The following TMEM131L variants were observed in gnomAD, a reference collection of about 807,000 sequenced individuals.
The protein encoded by TMEM131L is transmembrane protein 131-like.
A neutral mutation model predicts 192.2 loss-of-function variants in TMEM131L; 54 were observed. The ratio of observed to expected loss-of-function variants is 0.28; its 90% CI spans 0.23 to 0.35. TMEM131L has a LOEUF of 0.35. Ranked by LOEUF, TMEM131L falls within the 10% of genes least tolerant of loss-of-function variation. The probability of loss-of-function intolerance (pLI) is 1.00; values close to 1 mark genes in which losing one functional copy is unlikely to be tolerated. For synonymous variants in TMEM131L, 701 were observed against 704.9 expected (o/e 0.99, Z 0.09); for missense variants, 1,888 against 1,972.9 (o/e 0.96, Z 0.82).
intron 3 of TMEM131L, among the ~76,000 whole-genome samples, chr4:153,499,885 C>T (rs905949902): frequency 7.2e-5 from 11 of 152,270 alleles, no homozygotes; most frequent in Admixed American, 2.0e-4. Flanking sequence ...AGTCTTCCAC[C>T]GTCAGATCCC....
At chr4:153,623,699 T>TGGG (rs1733616305) in intron 29 of TMEM131L, among the ~76,000 whole-genome samples, 1 of 152,234 alleles carries the variant, frequency 6.6e-6, no homozygotes, top group Admixed American at 6.5e-5. Context: ...TTCCCTTTTA[T>TGGG]TGCCGGGTAA....
In TMEM131L at chr4:153,580,991, T is replaced by G. The variant is rs557110446; in HGVS notation, c.738+88T>G. On this transcript the variant is annotated intron_variant, in intron 8 of 34. Transcript: ENST00000409959. ...ACACAAGGCTGGGCGCTGTGGCTCA[T>G]GCCTGTAATCCCAGCACTTTGGGAG... The G allele has an allele frequency of 2.6e-4, 242 of 928,202 alleles. 2 individuals are homozygous for G. The East Asian group carries it at 6.2e-3, about 24-fold the overall frequency. 57.5% of individuals were successfully genotyped at this position (928,202 alleles called of 1,614,324 possible).
At chr4:153,584,429 AATATT>A (rs1730567101) in intron 11 of TMEM131L, among the ~76,000 whole-genome samples, 1 of 152,224 alleles carries the variant, frequency 6.6e-6, no homozygotes, top group South Asian at 2.1e-4. Context: ...CAAGCGACTC[AATATT>A]ATAACCTAAT....
At chr4:153,610,995 T>A (rs1047305049) in intron 25 of TMEM131L, among the ~76,000 whole-genome samples, 2 of 152,208 alleles carry the variant, frequency 1.3e-5, no homozygotes, top group African/African-American at 4.8e-5. Context: ...CCAGTTATTG[T>A]GGGGTTGAAG....
At chr4:153,521,057 G>A (rs1176235665) in intron 3 of TMEM131L, among the ~76,000 whole-genome samples, 1 of 152,176 alleles carries the variant, frequency 6.6e-6, no homozygotes, top group Non-Finnish European at 1.5e-5. Context: ...GTGGTTGTAG[G>A]GAGTATCCAC....
chr4:153,522,057 C>A (rs1735157691), intron 3 of TMEM131L, among the ~76,000 whole-genome samples: 2 of 152,136 alleles, frequency 1.3e-5, no homozygotes, highest in South Asian at 4.1e-4. Flanking sequence ...TGAAATCTTA[C>A]ACGTGCTGCC....
chr4:153,572,987 A>G (rs1729694856), intron 7 of TMEM131L, among the ~76,000 whole-genome samples: 1 of 152,128 alleles, frequency 6.6e-6, no homozygotes, highest in African/African-American at 2.4e-5. Flanking sequence ...GGTTTATTTC[A>G]TTTTGCATAA....
intron 3 of TMEM131L, among the ~76,000 whole-genome samples, chr4:153,478,091 T>C (rs891506477): frequency 6.6e-6 from 1 of 152,110 alleles, no homozygotes; most frequent in African/African-American, 2.4e-5. Context: ...TTTGCTATTT[T>C]ATCTCTACTT....
chr4:153,533,286 CCTT>C (rs762568382), intron 3 of TMEM131L, among the ~76,000 whole-genome samples: 2 of 152,072 alleles, frequency 1.3e-5, no homozygotes, highest in East Asian at 1.9e-4. Context: ...CACCCAGCCT[CCTT>C]CTTAATTCTT....
At position 153,621,846 on chromosome 4, in the gene TMEM131L, G is replaced by A. The variant is rs1229449632; in HGVS notation, c.3856G>A (p.Ala1286Thr). 6.2e-7 allele frequency: 1 copy of A among 1,613,900 alleles called. No individual in the cohort carries two copies. The highest frequency in any genetic ancestry group is 8.5e-7 in the Non-Finnish European group (1 of 1,179,874). ...CAGTTTACCTGCTGCCCAGAGAGAG[G>A]CAGGTATGTAATGATACTGAGCTAC... ...ASSLPAAQRE[A>T]EGYYQKPEKK... Residue 1286 changes from alanine (A) to threonine (T), a missense_variant, in exon 28 of 35, where the codon GCA becomes ACA. Physicochemically the swap from Ala to Thr is moderately conservative, Grantham distance 58. Coordinates refer to ENST00000409959, the MANE Select transcript of TMEM131L (RefSeq NM_001131007.2).
chr4:153,618,249 A>G (rs1367970737), intron 26 of TMEM131L, among the ~76,000 whole-genome samples: 1 of 152,044 alleles, frequency 6.6e-6, no homozygotes, highest in Non-Finnish European at 1.5e-5. Flanking sequence ...CTGACGCAGG[A>G]GAATCTCTTG....
intron 1 of TMEM131L, 51 bp downstream of exon 1, chr4:153,466,572 C>CT (rs1251579853): frequency 6.3e-6 from 8 of 1,270,294 alleles, no homozygotes; most frequent in Non-Finnish European, 8.0e-6. Context: ...CGCCCCCGCT[C>CT]TTTCTTTTAG....
At chr4:153,577,915 G>C (rs1730065012) in intron 7 of TMEM131L, among the ~76,000 whole-genome samples, 2 of 152,190 alleles carry the variant, frequency 1.3e-5, no homozygotes, top group Admixed American at 6.5e-5. Context: ...TATAGGTATG[G>C]AGAGGACTAA....
At chr4:153,593,678 GTGTA>G (rs1385244331) in intron 18 of TMEM131L, 117 bp from the exon 19 acceptor site, 3 of 672,148 alleles carry the variant, frequency 4.5e-6, no homozygotes, top group African/African-American at 1.8e-5. Context: ...TGAATTTTGT[GTGTA>G]TGTGTGTGCA....
At chr4:153,635,295 C>T (rs1578919656) in intron 33 of TMEM131L, 137 bp from the exon 34 acceptor site, 3 of 726,992 alleles carry the variant, frequency 4.1e-6, no homozygotes, top group East Asian at 5.5e-5. Flanking sequence ...AACGACTCTC[C>T]TGGTCCACAC....
chr4:153,513,317 AG>A (rs1175457434), intron 3 of TMEM131L, among the ~76,000 whole-genome samples: 2 of 152,238 alleles, frequency 1.3e-5, no homozygotes, highest in African/African-American at 4.8e-5. Context: ...GTGTTGGCTC[AG>A]GTTCTCTACT....
chr4:153,559,923 T>C (rs1265408747), intron 7 of TMEM131L, among the ~76,000 whole-genome samples: 1 of 152,100 alleles, frequency 6.6e-6, no homozygotes, highest in East Asian at 1.9e-4. Flanking sequence ...CTCTAGTTCA[T>C]GGCCACAAGA....
rs138978734 is a variant in TMEM131L at position 153,593,446 on chromosome 4, G to A, written c.1923-353G>A. Reference sequence around the variant, plus strand: ...CTCCAGACGTAGCCCAGTGTTTCCCGTGGGATAAAATTGCCTTTGGTTGAG... The same window carrying A: ...CTCCAGACGTAGCCCAGTGTTTCCCATGGGATAAAATTGCCTTTGGTTGAG... On this transcript the variant is annotated intron_variant, in intron 18 of 34. Transcript: ENST00000409959. Among the ~76,000 whole-genome samples the A allele has an allele frequency of 9.7e-4, 148 of 152,222 alleles. 3 individuals carry two copies. In the East Asian group the frequency reaches 0.02, roughly 20 times the overall value.
chr4:153,587,773 A>G lies in TMEM131L; in HGVS notation c.1514A>G (p.His505Arg), dbSNP rs375065726. ...AGTCTGGGTTTTGAAGTGATAGCAC[A>G]TTGTGGCATGCATTATTTCATGGGA... ...EGSLGFEVIAHCGMHYFMGKS... is the reference protein window; with the variant it reads ...EGSLGFEVIARCGMHYFMGKS... The change falls in exon 15 of 35, where the codon CAT (histidine) becomes CGT (arginine). Residue 505 changes from histidine to arginine, a missense_variant. By Grantham distance (29) the His-to-Arg change is conservative. Coordinates refer to ENST00000409959, the MANE Select transcript of TMEM131L (RefSeq NM_001131007.2). The G allele has an allele frequency of 1.2e-6, 2 of 1,613,630 alleles. No homozygotes were observed. Among genetic ancestry groups the G allele is most frequent in the Middle Eastern group, 1.7e-4 (1 of 6,060 alleles).
Sources: allele counts gnomAD v4.1 joint callset (sites outside exome capture counted in the v4.1 genomes callset), GRCh38; gene constraint gnomAD v4.1.1; transcripts MANE v1.5; gene names NCBI Gene and HGNC (gene_info 2026-07-23, HGNC 2026-07-21).